MPPED2: variants seen among roughly 807,000 people sequenced by gnomAD.
MPPED2 encodes metallophosphoesterase MPPED2.
A neutral mutation model predicts 33.0 loss-of-function variants in MPPED2; 5 were observed. That is an observed-to-expected ratio of 0.15 (90% CI 0.08 to 0.32). The LOEUF (loss-of-function observed/expected upper bound fraction) is 0.32. MPPED2 is among the 10% of genes least tolerant of loss of function. The pLI is 1.00. For missense variants in MPPED2, 275 were observed against 372.1 expected (o/e 0.74, Z 2.15); for synonymous variants, 136 against 141.9 (o/e 0.96, Z 0.29).
chr11:30,455,447 GA>G (rs1950240742), intron 4 of MPPED2, among the ~76,000 whole-genome samples: 1 of 152,158 alleles, frequency 6.6e-6, no homozygotes, highest in Non-Finnish European at 1.5e-5. Flanking sequence ...TGTGCTTTAA[GA>G]AAAAAGGCTG....
intron 4 of MPPED2, among the ~76,000 whole-genome samples, chr11:30,493,094 C>T (rs1035275781): frequency 1.6e-4 from 25 of 152,144 alleles, no homozygotes; most frequent in Admixed American, 5.2e-4. Context: ...CTTCTGGATA[C>T]CAACTCGTAA....
intron 4 of MPPED2, among the ~76,000 whole-genome samples, chr11:30,431,917 G>A (rs1279045421): frequency 1.3e-5 from 2 of 152,160 alleles, no homozygotes; most frequent in Non-Finnish European, 2.9e-5. Context: ...GCTCACGCCT[G>A]TAATTCCAGC....
chr11:30,404,157 T>C (rs1157883929), intron 6 of MPPED2, among the ~76,000 whole-genome samples: 1 of 152,220 alleles, frequency 6.6e-6, no homozygotes, highest in Non-Finnish European at 1.5e-5. Flanking sequence ...GATACCATTA[T>C]AGCCCAGACC....
At chr11:30,494,737 C>CAAA (rs767500886) in intron 4 of MPPED2, among the ~76,000 whole-genome samples, 1,128 of 47,412 alleles carry the variant, frequency 0.024, 70 homozygotes, top group Non-Finnish European at 0.032. Context: ...TACTCCACCT[C>CAAA]AAAAAAAAAA....
At chr11:30,543,448 G>A (rs1955239767) in intron 2 of MPPED2, among the ~76,000 whole-genome samples, 2 of 152,172 alleles carry the variant, frequency 1.3e-5, no homozygotes, top group African/African-American at 4.8e-5. Context: ...TGACTCCAAA[G>A]TTCCATGATT....
intron 2 of MPPED2, 44 bp downstream of exon 2, chr11:30,580,202 T>A (rs767121497): frequency 1.3e-6 from 2 of 1,587,030 alleles, no homozygotes; most frequent in Non-Finnish European, 1.7e-6. Flanking sequence ...TTTCTTTTTA[T>A]TTTCTTGATT....
exon 7 of MPPED2, chr11:30,385,951 T>G (rs1375566985): frequency 6.6e-6 from 1 of 152,208 alleles, no homozygotes; most frequent in Non-Finnish European, 1.5e-5. Flanking sequence ...ATTTGAGTTT[T>G]TTTAACTTAT....
chr11:30,507,335 C>T (rs183079874), intron 3 of MPPED2, among the ~76,000 whole-genome samples: 95 of 152,126 alleles, frequency 6.2e-4, no homozygotes, highest in Admixed American at 8.5e-4. Context: ...TTTCTGAATC[C>T]CCACTCACTG....
rs145577187 is a variant in MPPED2, at chr11:30,469,657, G to A, written c.536+25639C>T. Among the ~76,000 whole-genome samples, 28 of 152,312 alleles carry A rather than the reference G, an allele frequency of 1.8e-4. 1 individual carries two copies. In the East Asian group the frequency reaches 4.8e-3, roughly 26 times the overall value. ...CAGGTAGAGAACTAAATAGAGAGGTGTGTAAAGCCCTTCAGAGAGTGCCTC... is the reference window on the plus strand; with the variant it reads ...CAGGTAGAGAACTAAATAGAGAGGTATGTAAAGCCCTTCAGAGAGTGCCTC... On this transcript the variant is annotated intron_variant, in intron 4 of 6. Coordinates refer to ENST00000358117, the MANE Select transcript of MPPED2 (RefSeq NM_001584.3).
chr11:30,523,509 C>T (rs2134392410), intron 3 of MPPED2, among the ~76,000 whole-genome samples: 1 of 151,804 alleles, frequency 6.6e-6, no homozygotes, highest in East Asian at 2.0e-4. Context: ...CTAACATTTA[C>T]ATGACATTTG....
intron 3 of MPPED2, among the ~76,000 whole-genome samples, chr11:30,508,934 A>G (rs1169678915): frequency 6.6e-6 from 1 of 152,158 alleles, no homozygotes; most frequent in Non-Finnish European, 1.5e-5. Context: ...TCATCTTTGC[A>G]TTCCCAGAAG....
Position 30,535,898 on chromosome 11 carries a change from G to A in MPPED2, c.310+96C>T, listed in dbSNP as rs148263035. On this transcript the variant is annotated intron_variant, in intron 3 of 6. Coordinates refer to ENST00000358117, the MANE Select transcript of MPPED2 (RefSeq NM_001584.3). ...CGCATATCATACGAGAAATGGCTGA[G>A]CTGGCTTCCAAGTGCTCTAATTCAA... is the stretch of plus-strand genomic sequence containing the variant. 6.3e-4 allele frequency: 648 copies of A among 1,022,174 alleles called. 6 individuals are homozygous for A. In the East Asian group the frequency reaches 0.015, roughly 23 times the overall value. 63.3% of individuals were successfully genotyped at this position (1,022,174 alleles called of 1,614,324 possible). A position where few individuals can be genotyped will look rare whatever the true frequency, so the allele number is the denominator to read the frequency against.
At chr11:30,384,165 C>T (rs936361743), downstream of MPPED2, among the ~76,000 whole-genome samples, 4 of 152,042 alleles carry the variant, frequency 2.6e-5, no homozygotes, top group Non-Finnish European at 5.9e-5. Flanking sequence ...AAAACAAAGA[C>T]ACTCCCAATA....
chr11:30,465,593 G>T (rs949084337), intron 4 of MPPED2, among the ~76,000 whole-genome samples: 7 of 152,222 alleles, frequency 4.6e-5, no homozygotes, highest in African/African-American at 1.7e-4. Context: ...ACCATGCCCA[G>T]CCTAGCCTTT....
intron 4 of MPPED2, among the ~76,000 whole-genome samples, chr11:30,483,080 A>G (rs1951563383): frequency 6.6e-6 from 1 of 152,180 alleles, no homozygotes; most frequent in Admixed American, 6.5e-5. Context: ...TGAAGCTGCT[A>G]TGAAAGCCGG....
At chr11:30,493,384 A>G (rs946748218) in intron 4 of MPPED2, among the ~76,000 whole-genome samples, 3 of 145,562 alleles carry the variant, frequency 2.1e-5, no homozygotes, top group Non-Finnish European at 3.1e-5. Flanking sequence ...AAAAAAAAAA[A>G]AAAGAAAATA....
At chr11:30,417,132 A>C (rs1456450707) in intron 5 of MPPED2, among the ~76,000 whole-genome samples, 3 of 152,142 alleles carry the variant, frequency 2.0e-5, no homozygotes, top group Non-Finnish European at 4.4e-5. Flanking sequence ...TTTGAATAAA[A>C]ATTTCCATCA....
At chr11:30,422,344 T>C (rs1948650089) in intron 4 of MPPED2, among the ~76,000 whole-genome samples, 1 of 152,182 alleles carries the variant, frequency 6.6e-6, no homozygotes, top group Non-Finnish European at 1.5e-5. Context: ...TCTTTCCATA[T>C]CTAAAAATCC....
At chr11:30,404,909 GGT>G (rs1947967200) in intron 6 of MPPED2, among the ~76,000 whole-genome samples, 1 of 152,104 alleles carries the variant, frequency 6.6e-6, no homozygotes, top group Non-Finnish European at 1.5e-5. Flanking sequence ...TCATTAAGAA[GGT>G]GTTTCTTCAG....
Sources: allele counts gnomAD v4.1 joint callset (sites outside exome capture counted in the v4.1 genomes callset), GRCh38; gene constraint gnomAD v4.1.1; transcripts MANE v1.5; gene names NCBI Gene and HGNC (gene_info 2026-07-23, HGNC 2026-07-21).